DPP10: variants seen among roughly 807,000 people sequenced by gnomAD.
The protein encoded by DPP10 is dipeptidyl peptidase like 10, also known as inactive dipeptidyl peptidase 10.
In DPP10, 33 loss-of-function variants were observed where a neutral mutation model predicts 120.9. The ratio of observed to expected loss-of-function variants is 0.27; its 90% CI spans 0.21 to 0.37. The LOEUF is 0.37. Among genes scored for constraint, DPP10 ranks in the 10% least tolerant of loss-of-function variants. The probability of loss-of-function intolerance (pLI) is 1.00; values close to 1 mark genes in which losing one functional copy is unlikely to be tolerated. For synonymous variants in DPP10, 337 were observed against 326.1 expected (o/e 1.03, Z -0.36); for missense variants, 816 against 942.8 (o/e 0.87, Z 1.76).
At chr2:115,711,688 G>A (rs778727213) in intron 7 of DPP10, among the ~76,000 whole-genome samples, 2 of 152,080 alleles carry the variant, frequency 1.3e-5, no homozygotes, top group Admixed American at 6.6e-5. Context: ...GAAGATAAAG[G>A]TATCAGAAAT....
intron 1 of DPP10, among the ~76,000 whole-genome samples, chr2:114,990,692 C>T (rs1700706000): frequency 6.6e-6 from 1 of 152,146 alleles, no homozygotes; most frequent in Non-Finnish European, 1.5e-5. Context: ...GGAACCTTGA[C>T]AGCTTTCTAT....
chr2:114,883,757 G>A (rs546471613), intron 1 of DPP10, among the ~76,000 whole-genome samples: 64 of 152,254 alleles, frequency 4.2e-4, no homozygotes, highest in Middle Eastern at 3.4e-3. Context: ...ACCTGGGCTC[G>A]GGCTGGGTTC....
intron 19 of DPP10, among the ~76,000 whole-genome samples, chr2:115,798,748 A>T (rs1017286764): frequency 6.6e-6 from 1 of 152,162 alleles, no homozygotes; most frequent in African/African-American, 2.4e-5. Flanking sequence ...AATTGTTATT[A>T]ATATAGTAAA....
intron 1 of DPP10, among the ~76,000 whole-genome samples, chr2:115,276,660 T>G (rs1170829875): frequency 6.6e-6 from 1 of 152,216 alleles, no homozygotes; most frequent in Non-Finnish European, 1.5e-5. Context: ...CAGATTACTC[T>G]GAGAATTTTG....
At chr2:114,996,142 G>C (rs555944027) in intron 1 of DPP10, among the ~76,000 whole-genome samples, 18 of 152,334 alleles carry the variant, frequency 1.2e-4, no homozygotes, top group African/African-American at 4.3e-4. Context: ...ACGGATGGGT[G>C]TGGAAACTGA....
chr2:115,377,838 G>T (rs1319568177), intron 3 of DPP10, among the ~76,000 whole-genome samples: 2 of 152,108 alleles, frequency 1.3e-5, no homozygotes, highest in Non-Finnish European at 2.9e-5. Context: ...GTTTTTGTCA[G>T]GTTTGTCAAA....
intron 5 of DPP10, among the ~76,000 whole-genome samples, chr2:115,617,377 C>T (rs202202834): frequency 1.9e-4 from 28 of 147,590 alleles, no homozygotes; most frequent in Non-Finnish European, 3.1e-4. Context: ...ATGCATAACA[C>T]GAATGAAGAA....
chr2:114,460,170 TATC>T (rs893252901), intron 1 of DPP10, among the ~76,000 whole-genome samples: 15 of 2,514 alleles, frequency 6.0e-3, no homozygotes, highest in African/African-American at 0.012. Context: ...TTTGGGATGA[TATC>T]TATCTATCTA....
chr2:115,179,444 A>T (rs2053930463), intron 1 of DPP10, among the ~76,000 whole-genome samples: 1 of 152,176 alleles, frequency 6.6e-6, no homozygotes, highest in African/African-American at 2.4e-5. Context: ...TTTCTTATAT[A>T]CCGTGGGATA....
At chr2:115,402,911 A>ATGTG (rs771660360) in intron 3 of DPP10, among the ~76,000 whole-genome samples, 1 of 140,668 alleles carries the variant, frequency 7.1e-6, no homozygotes, top group Non-Finnish European at 1.5e-5. Context: ...ATGTATATAT[A>ATGTG]TGTGTGTATA....
At chr2:114,994,583 C>T (rs1700958468) in intron 1 of DPP10, among the ~76,000 whole-genome samples, 1 of 152,206 alleles carries the variant, frequency 6.6e-6, no homozygotes, top group Non-Finnish European at 1.5e-5. Flanking sequence ...TTCCCAATTT[C>T]CTGTCCCTCA....
chr2:114,961,082 G>A lies in DPP10; in HGVS notation c.61-348157G>A, dbSNP rs562103555. Among the ~76,000 whole-genome samples the A allele has an allele frequency of 4.0e-3, 235 of 58,854 alleles. 2 individuals are homozygous for A. The highest frequency in any genetic ancestry group is 0.014 in the African/African-American group (205 of 15,180). 38.6% of individuals were successfully genotyped at this position (58,854 alleles called of 152,430 possible). On this transcript the variant is annotated intron_variant, in intron 1 of 25. Coordinates refer to ENST00000410059, the MANE Select transcript of DPP10 (RefSeq NM_020868.6). ...TTTTTTTTTTTTTTGGCAGAGTTTCGCTTTTGTTGCCCAGGCTGGAGTGCA... is the reference window on the plus strand; with the variant it reads ...TTTTTTTTTTTTTTGGCAGAGTTTCACTTTTGTTGCCCAGGCTGGAGTGCA...
chr2:115,684,726 C>T (rs1335503800), intron 5 of DPP10, among the ~76,000 whole-genome samples: 2 of 151,876 alleles, frequency 1.3e-5, no homozygotes, highest in East Asian at 3.9e-4. Context: ...AAGCTGAACT[C>T]TCCTTGACAC....
At chr2:115,761,685 G>A (rs1240859889) in intron 11 of DPP10, among the ~76,000 whole-genome samples, 3 of 150,764 alleles carry the variant, frequency 2.0e-5, no homozygotes, top group Non-Finnish European at 3.0e-5. Context: ...ACGTAATGAA[G>A]ATCTATTGAA....
intron 1 of DPP10, among the ~76,000 whole-genome samples, chr2:115,042,067 G>C (rs558632745): frequency 1.5e-5 from 2 of 137,288 alleles, no homozygotes; most frequent in South Asian, 4.7e-4. Context: ...AAAGAACATA[G>C]GAAATCAATA....
chr2:114,472,490 T>G (rs1007181233), intron 1 of DPP10, among the ~76,000 whole-genome samples: 2 of 152,218 alleles, frequency 1.3e-5, no homozygotes, highest in Non-Finnish European at 2.9e-5. Context: ...CCTGGCAGCA[T>G]TGAGCTTTCT....
chr2:115,636,302 T>A (rs1197949558), intron 5 of DPP10, among the ~76,000 whole-genome samples: 1 of 152,130 alleles, frequency 6.6e-6, no homozygotes, highest in East Asian at 1.9e-4. Context: ...TAGATAAGAC[T>A]AAAGTAACGT....
chr2:114,877,544 C>T (rs1691255537), intron 1 of DPP10, among the ~76,000 whole-genome samples: 1 of 152,034 alleles, frequency 6.6e-6, no homozygotes, highest in Non-Finnish European at 1.5e-5. Flanking sequence ...GACCATAGAT[C>T]CGCTGGAATT....
chr2:115,064,893 T>C, intron 1 of DPP10: 1 of 1,242,792 alleles, frequency 8.0e-7, no homozygotes. Context: ...TTGTACTGAA[T>C]TGTCTTTTCC....
Sources: allele counts gnomAD v4.1 joint callset (sites outside exome capture counted in the v4.1 genomes callset), GRCh38; gene constraint gnomAD v4.1.1; transcripts MANE v1.5; gene names NCBI Gene and HGNC (gene_info 2026-07-23, HGNC 2026-07-21).